Variants in OPCML observed in about 807,000 individuals in gnomAD.
OPCML encodes opioid binding protein/cell adhesion molecule like.
Under a neutral mutation model 37.8 loss-of-function variants are expected in OPCML, and 13 were observed. The observed-to-expected ratio is 0.34, with a 90% CI of 0.22 to 0.55. The LOEUF (loss-of-function observed/expected upper bound fraction) is 0.55. OPCML is among the 20% of genes least tolerant of loss of function. OPCML has a pLI of 0.91. For synonymous variants in OPCML, 176 were observed against 168.8 expected, an observed-to-expected ratio of 1.04 and a Z score of -0.33; for missense variants, 341 against 435.6, an observed-to-expected ratio of 0.78 and a Z score of 1.93.
intron 3 of OPCML, among the ~76,000 whole-genome samples, chr11:132,622,181 G>A (rs1591636173): frequency 1.3e-5 from 2 of 152,002 alleles, no homozygotes; most frequent in East Asian, 1.9e-4. Flanking sequence ...AAAACAGAAG[G>A]TTGACAAAGC....
chr11:132,498,679 C>A (rs767082181), intron 4 of OPCML, among the ~76,000 whole-genome samples: 3 of 152,014 alleles, frequency 2.0e-5, no homozygotes, highest in Admixed American at 6.6e-5. Flanking sequence ...AGTTTGAGGG[C>A]GAATTTGAAT....
Position 132,943,174 on chromosome 11 carries a change from C to A in OPCML, c.62-164G>T. On this transcript the variant is annotated intron_variant, in intron 1 of 7. Transcript: ENST00000524381. This position sits in a 1 kb window ranked among gnomAD's most constrained non-coding sequence, Gnocchi z 4.3. ...CCCGCGCACCAGCGGGCTCGGGAAGCGGTGCGGGGAGGAGGGAAGGGGCAG... is the reference window on the plus strand; with the variant it reads ...CCCGCGCACCAGCGGGCTCGGGAAGAGGTGCGGGGAGGAGGGAAGGGGCAG... 6.3e-7 allele frequency: 1 copy of A among 1,594,198 alleles called. No individual in the cohort carries two copies. The highest frequency in any genetic ancestry group is 1.1e-5 in the South Asian group (1 of 88,926).
At chr11:133,008,056 C>G in intron 1 of OPCML, 1 of 985,414 alleles carries the variant, frequency 1.0e-6, no homozygotes, top group Non-Finnish European at 1.2e-6. Flanking sequence ...TCTTGCTGTA[C>G]GGCTACTTGC....
At chr11:132,759,228 C>A (rs1261975125) in intron 2 of OPCML, among the ~76,000 whole-genome samples, 1 of 152,026 alleles carries the variant, frequency 6.6e-6, no homozygotes, top group African/African-American at 2.4e-5. Flanking sequence ...ATTTTCGCAT[C>A]GATGTTCATC....
intron 2 of OPCML, among the ~76,000 whole-genome samples, chr11:132,787,132 C>T (rs1023616008): frequency 5.9e-5 from 9 of 152,112 alleles, no homozygotes; most frequent in Admixed American, 5.2e-4. Flanking sequence ...AACCAGACTT[C>T]GAGAACCAGT....
At chr11:133,485,951 G>T (rs1000063443) in intron 1 of OPCML, among the ~76,000 whole-genome samples, 1 of 152,012 alleles carries the variant, frequency 6.6e-6, no homozygotes, top group Non-Finnish European at 1.5e-5. Context: ...ATGGCCCACA[G>T]GCATAGGGCT....
At chr11:132,793,372 T>G (rs2136185270) in intron 2 of OPCML, among the ~76,000 whole-genome samples, 1 of 152,294 alleles carries the variant, frequency 6.6e-6, no homozygotes, top group Non-Finnish European at 1.5e-5. Context: ...TGCATATATT[T>G]TATTGCCCAG....
chr11:132,723,054 A>T (rs1480635383), intron 2 of OPCML, among the ~76,000 whole-genome samples: 1 of 152,190 alleles, frequency 6.6e-6, no homozygotes, highest in African/African-American at 2.4e-5. Context: ...TAGACCAAAA[A>T]GAGAACCTGA....
At chr11:132,608,362 T>C (rs1938436565) in intron 3 of OPCML, among the ~76,000 whole-genome samples, 1 of 152,238 alleles carries the variant, frequency 6.6e-6, no homozygotes, top group African/African-American at 2.4e-5. Flanking sequence ...TTTATCATTC[T>C]GACCAGTCCA....
intron 4 of OPCML, among the ~76,000 whole-genome samples, chr11:132,481,192 GAC>G (rs2096179111): frequency 1.3e-5 from 2 of 152,084 alleles, no homozygotes; most frequent in East Asian, 3.9e-4. Flanking sequence ...CATGTGCAGA[GAC>G]ACACATAGGC....
intron 2 of OPCML, among the ~76,000 whole-genome samples, chr11:132,700,545 G>C (rs534150702): frequency 6.6e-6 from 1 of 152,128 alleles, no homozygotes; most frequent in African/African-American, 2.4e-5. Context: ...TTGACCCCTC[G>C]TGGTTCAGTA....
At chr11:132,764,283 C>T (rs1048036894) in intron 2 of OPCML, among the ~76,000 whole-genome samples, 2 of 152,164 alleles carry the variant, frequency 1.3e-5, no homozygotes, top group African/African-American at 4.8e-5. Flanking sequence ...TGTGTTCATC[C>T]TTCCTCCCAC....
Position 132,943,389 on chromosome 11 carries a change from AG to A in OPCML, c.62-380del. 1 of 469,122 alleles carries A rather than the reference AG, an allele frequency of 2.1e-6. No homozygotes were observed. The highest frequency in any genetic ancestry group is 3.7e-5 in the East Asian group (1 of 27,284). The allele number at this position is 469,122 out of a possible 1,614,324, so 29.1% of individuals were successfully genotyped here. A position where few individuals can be genotyped will look rare whatever the true frequency, so the allele number is the denominator to read the frequency against. On this transcript the variant is annotated intron_variant, in intron 1 of 7. Coordinates refer to ENST00000524381, the MANE Select transcript of OPCML (RefSeq NM_001012393.5). The surrounding 1 kb of genome is among the most constrained non-coding windows in gnomAD (Gnocchi z 4.3). ...GGCCAGGAGGGGAGAGGAAGAAGCA[AG>A]GTGCGGGGATGAAGGTCACAGATTG...
chr11:132,862,756 T>A (rs571226896), intron 2 of OPCML, among the ~76,000 whole-genome samples: 3 of 152,336 alleles, frequency 2.0e-5, no homozygotes, highest in Non-Finnish European at 4.4e-5. Context: ...CCTTGCCTCA[T>A]CACTGTGAGT....
In OPCML at chr11:133,231,057, G is replaced by A. The variant is rs142057739; in HGVS notation, c.62-288047C>T. Reference sequence around the variant, plus strand: ...CCTCAATGTGTCAAATTCCCCGCTAGCAGCACAAGAGAATATCAAGGAAGG... The same window carrying A: ...CCTCAATGTGTCAAATTCCCCGCTAACAGCACAAGAGAATATCAAGGAAGG... On this transcript the variant is annotated intron_variant, in intron 1 of 7. Transcript: ENST00000524381. 1.5e-3 allele frequency among the ~76,000 whole-genome samples: 226 copies of A among 152,284 alleles called. 2 individuals carry two copies. Among genetic ancestry groups the A allele is most frequent in the Middle Eastern group, 0.01 (3 of 294 alleles).
intron 7 of OPCML, 110 bp from the exon 8 acceptor site, chr11:132,420,403 G>C: frequency 5.4e-6 from 8 of 1,470,376 alleles, no homozygotes; most frequent in Non-Finnish European, 7.2e-6. Flanking sequence ...CCCTTCCGCT[G>C]ACCATTCCAA....
chr11:133,042,115 T>C (rs1361139589), intron 1 of OPCML, among the ~76,000 whole-genome samples: 1 of 152,112 alleles, frequency 6.6e-6, no homozygotes, highest in Non-Finnish European at 1.5e-5. Context: ...CAGTCACATG[T>C]GACACGGAAA....
chr11:133,502,576 A>C (rs370673701), intron 1 of OPCML, among the ~76,000 whole-genome samples: 5 of 152,266 alleles, frequency 3.3e-5, no homozygotes, highest in African/African-American at 1.2e-4. Context: ...ATACCTGTAC[A>C]GGAAAAAAGA....
chr11:133,413,623 T>C (rs1488395062), intron 1 of OPCML, among the ~76,000 whole-genome samples: 2 of 152,166 alleles, frequency 1.3e-5, no homozygotes, highest in African/African-American at 4.8e-5. Context: ...TCTCCCTTCA[T>C]CATGAGGTTC....
Sources: allele counts gnomAD v4.1 joint callset (sites outside exome capture counted in the v4.1 genomes callset), GRCh38; gene constraint gnomAD v4.1.1; non-coding constraint Gnocchi (gnomAD v3.1); transcripts MANE v1.5; gene names NCBI Gene and HGNC (gene_info 2026-07-23, HGNC 2026-07-21).